RNLS: variants seen among roughly 807,000 people sequenced by gnomAD.
RNLS encodes renalase, FAD dependent amine oxidase, also known as renalase.
A neutral mutation model predicts 39.8 loss-of-function variants in RNLS; 39 were observed. The observed-to-expected ratio is 0.98, with a 90% confidence interval of 0.76 to 1.28. RNLS has a LOEUF of 1.28. Among genes scored for constraint, RNLS ranks in the 50% most tolerant of loss-of-function variants. RNLS has a pLI of 0.00. For missense variants in RNLS, 410 were observed against 413.3 expected (o/e 0.99, Z 0.07); for synonymous variants, 147 against 150.7 (o/e 0.98, Z 0.18).
Position 88,489,699 on chromosome 10 carries a change from G to A in RNLS, c.526+83204C>T, listed in dbSNP as rs148761671. Among the ~76,000 whole-genome samples the A allele has an allele frequency of 4.4e-3, 666 of 152,256 alleles. 4 individuals are homozygous for A. The highest frequency in any genetic ancestry group is 6.8e-3 in the Non-Finnish European group (464 of 68,026). ...AATGCATCAGTCCTGTGACAGAGAC[G>A]CACATGTCAGCTAATTTTACCAAAT... On this transcript the variant is annotated intron_variant, in intron 4 of 6. Coordinates refer to ENST00000331772, the MANE Select transcript of RNLS (RefSeq NM_001031709.3).
At chr10:88,520,647 T>C (rs2134194456) in intron 4 of RNLS, among the ~76,000 whole-genome samples, 1 of 152,208 alleles carries the variant, frequency 6.6e-6, no homozygotes, top group East Asian at 1.9e-4. Flanking sequence ...ATGGCACAGA[T>C]GATCCATATC....
chr10:88,412,930 T>C (rs1286708760), intron 4 of RNLS, among the ~76,000 whole-genome samples: 8 of 152,138 alleles, frequency 5.3e-5, no homozygotes, highest in Non-Finnish European at 1.2e-4. Flanking sequence ...GAAAAGAAAC[T>C]AGAAATACTT....
At chr10:88,532,891 A>C (rs1470038021) in intron 4 of RNLS, among the ~76,000 whole-genome samples, 1 of 152,060 alleles carries the variant, frequency 6.6e-6, no homozygotes, top group Non-Finnish European at 1.5e-5. Context: ...GGGACTAAGG[A>C]CTGACATGAT....
intron 4 of RNLS, among the ~76,000 whole-genome samples, chr10:88,495,387 T>G (rs750817114): frequency 6.6e-6 from 1 of 152,150 alleles, no homozygotes; most frequent in South Asian, 2.1e-4. Context: ...AAACCAAGTA[T>G]GACAAGGAGG....
chr10:88,286,239 A>G (rs1201845473), intron 6 of RNLS, among the ~76,000 whole-genome samples: 1 of 152,118 alleles, frequency 6.6e-6, no homozygotes, highest in Non-Finnish European at 1.5e-5. Flanking sequence ...TCCATGCTGA[A>G]CATTGGAGCA....
chr10:88,548,505 G>C (rs1312512013), intron 4 of RNLS, among the ~76,000 whole-genome samples: 3 of 148,500 alleles, frequency 2.0e-5, no homozygotes, highest in East Asian at 2.0e-4. Flanking sequence ...CAGGCATGGT[G>C]GTGGGCGCCT....
chr10:88,524,960 C>A (rs2986120), intron 4 of RNLS, among the ~76,000 whole-genome samples: 2 of 88,970 alleles, frequency 2.2e-5, no homozygotes, highest in Non-Finnish European at 4.3e-5. Flanking sequence ...CACACACATA[C>A]ATATATATAT....
At chr10:88,210,059 C>T in the RNLS span, among the ~76,000 whole-genome samples, 9 of 152,184 alleles carry the variant, frequency 5.9e-5, no homozygotes, top group Non-Finnish European at 8.8e-5. Context: ...CTAATTGTAC[C>T]GTGCCCTGAG....
At chr10:88,297,164 TG>T (rs1203832464) in intron 6 of RNLS, among the ~76,000 whole-genome samples, 1 of 151,930 alleles carries the variant, frequency 6.6e-6, no homozygotes, top group Non-Finnish European at 1.5e-5. Context: ...TCTCTAAGAG[TG>T]GGGTTGCTGG....
chr10:88,390,471 T>C (rs1274547812), intron 4 of RNLS, among the ~76,000 whole-genome samples: 1 of 152,232 alleles, frequency 6.6e-6, no homozygotes, highest in Non-Finnish European at 1.5e-5. Flanking sequence ...TTATTTAGTA[T>C]TATTTCAGTA....
the RNLS span, among the ~76,000 whole-genome samples, chr10:88,238,358 TAGCATAGATGA>T: frequency 2.6e-5 from 4 of 152,150 alleles, no homozygotes; most frequent in African/African-American, 9.7e-5. Flanking sequence ...GCATTCCCCA[TAGCATAGATGA>T]AACAAACACA....
At position 88,285,409 on chromosome 10, in the gene RNLS, T is replaced by C. The variant is rs1206109735; in HGVS notation, c.974A>G (p.Asp325Gly). The C allele has an allele frequency of 6.2e-7, 1 of 1,613,124 alleles. No individual in the cohort carries two copies. The highest frequency in any genetic ancestry group is 8.5e-7 in the Non-Finnish European group (1 of 1,179,400). The part of the protein sequence containing the change: ...GGDGFTQSNF[D>G]GCITSALCVL... The stretch of plus-strand genomic sequence containing the variant: ...ACATAGGGCAGAAGTGATGCAGCCA[T>C]CAAAGTTGGACTGAGTAAATCCATC... Residue 325 changes from aspartate (D) to glycine (G), a missense_variant, in exon 7 of 7, where the codon GAT becomes GGT. By Grantham distance (94) the Asp-to-Gly change is moderately conservative (BLOSUM62 -1). Transcript: ENST00000331772.
chr10:88,486,874 A>G (rs185585028), intron 4 of RNLS, among the ~76,000 whole-genome samples: 1 of 152,302 alleles, frequency 6.6e-6, no homozygotes, highest in East Asian at 1.9e-4. Flanking sequence ...TATACCTAGC[A>G]GAATATAAAT....
chr10:88,459,483 CG>C (rs1842824405), intron 4 of RNLS, among the ~76,000 whole-genome samples: 1 of 152,088 alleles, frequency 6.6e-6, no homozygotes, highest in Admixed American at 6.6e-5. Context: ...TTGTCTGTTT[CG>C]TATTGTACCA....
At chr10:88,489,138 A>T (rs562036010) in intron 4 of RNLS, among the ~76,000 whole-genome samples, 11 of 152,334 alleles carry the variant, frequency 7.2e-5, no homozygotes, top group African/African-American at 2.6e-4. Flanking sequence ...TTTAAAAAAG[A>T]AAAAAGAGAG....
intron 5 of RNLS, among the ~76,000 whole-genome samples, chr10:88,341,329 CAA>C (rs755002114): frequency 9.9e-5 from 5 of 50,708 alleles, no homozygotes; most frequent in East Asian, 4.6e-4. Flanking sequence ...AACTCCATCT[CAA>C]AAAAAAAAAA....
chr10:88,489,384 T>C (rs1844756566), intron 4 of RNLS, among the ~76,000 whole-genome samples: 1 of 152,194 alleles, frequency 6.6e-6, no homozygotes, highest in African/African-American at 2.4e-5. Context: ...TGATTACCTA[T>C]GTATTTCAAT....
In RNLS at chr10:88,581,019, C is replaced by A. The variant is rs1236736197; in HGVS notation, c.367+548G>T. Among the ~76,000 whole-genome samples, 5 of 152,082 alleles carry A rather than the reference C, an allele frequency of 3.3e-5. No individual in the cohort carries two copies. The East Asian group carries it at 9.7e-4, about 29-fold the overall frequency. On this transcript the variant is annotated intron_variant, in intron 3 of 6. Transcript: ENST00000331772. ...CAAAAGCATGTCAACAATAGACATG[C>A]ATCAATGTTTGTATTAGCAAAAACC...
chr10:88,207,543 A>T, the RNLS span, among the ~76,000 whole-genome samples: 2,768 of 152,312 alleles, frequency 0.018, 96 homozygotes, highest in African/African-American at 0.062. Context: ...GTTAGCAAGC[A>T]TGTAGAGCAA....
Sources: gnomAD v4.1 joint callset for allele counts (sites outside exome capture counted in the v4.1 genomes callset) on GRCh38, gnomAD v4.1.1 for gene constraint, MANE v1.5 for transcripts, NCBI Gene and HGNC (gene_info 2026-07-23, HGNC 2026-07-21) for gene names.